Variants in NXPE2 observed in about 807,000 individuals in gnomAD.
NXPE2 encodes the protein NXPE family member 2.
NXPE2 carries 34 observed loss-of-function variants against 34.4 expected under a neutral mutation model. The observed-to-expected ratio is 0.99, with a 90% confidence interval of 0.75 to 1.31. The LOEUF (loss-of-function observed/expected upper bound fraction) is 1.31, where lower values mean the gene tolerates loss of function less well. Among genes scored for constraint, NXPE2 ranks in the 40% most tolerant of loss-of-function variants. The pLI, the probability that NXPE2 is intolerant of heterozygous loss-of-function variation, is 0.00. For synonymous variants in NXPE2, 235 were observed against 231.3 expected (o/e 1.02, Z -0.15); for missense variants, 649 against 672.5 (o/e 0.97, Z 0.39).
chr11:114,601,966 T>A, the NXPE2 span, among the ~76,000 whole-genome samples: 1 of 85,002 alleles, frequency 1.2e-5, no homozygotes, highest in African/African-American at 4.7e-5. Context: ...TATTATATAT[T>A]ATATATTCTG....
chr11:114,550,952 G>C, the NXPE2 span: 2 of 544,828 alleles, frequency 3.7e-6, no homozygotes, highest in South Asian at 5.3e-5. Flanking sequence ...TGTCCACAAT[G>C]CCTCTAAGGA....
the NXPE2 span, among the ~76,000 whole-genome samples, chr11:114,723,620 A>G: frequency 6.6e-6 from 1 of 151,900 alleles, no homozygotes; most frequent in Non-Finnish European, 1.5e-5. Context: ...AAGGAGATAT[A>G]TTTACCTTGG....
the NXPE2 span, among the ~76,000 whole-genome samples, chr11:114,534,619 C>T: frequency 6.6e-5 from 10 of 152,226 alleles, no homozygotes; most frequent in South Asian, 2.1e-4. Flanking sequence ...AACCACAGCA[C>T]GAGAGCTACG....
the NXPE2 span, among the ~76,000 whole-genome samples, chr11:114,737,462 TA>T: frequency 3.3e-5 from 5 of 152,120 alleles, no homozygotes; most frequent in African/African-American, 4.8e-5. Flanking sequence ...AAAATGAATT[TA>T]AAATATTTAT....
chr11:114,725,110 A>G, the NXPE2 span, among the ~76,000 whole-genome samples: 2 of 151,966 alleles, frequency 1.3e-5, no homozygotes, highest in African/African-American at 2.4e-5. Flanking sequence ...TCCTTATTGC[A>G]TGTCATTAAA....
chr11:114,618,317 G>A, the NXPE2 span, among the ~76,000 whole-genome samples: 1 of 150,218 alleles, frequency 6.7e-6, no homozygotes, highest in Non-Finnish European at 1.5e-5. Context: ...TTGGATAATA[G>A]GTATTGCTTC....
chr11:114,775,891 A>C, the NXPE2 span, among the ~76,000 whole-genome samples: 47 of 144,634 alleles, frequency 3.2e-4, 1 homozygote, highest in South Asian at 6.9e-4. Context: ...AAAAAAAAAA[A>C]CAAAAAAACC....
the NXPE2 span, among the ~76,000 whole-genome samples, chr11:114,797,674 G>A: frequency 6.6e-6 from 1 of 152,328 alleles, no homozygotes; most frequent in East Asian, 1.9e-4. Flanking sequence ...AAATCTATTT[G>A]CTGTGCCAGA....
At chr11:114,667,845 C>A in the NXPE2 span, among the ~76,000 whole-genome samples, 1 of 152,088 alleles carries the variant, frequency 6.6e-6, no homozygotes, top group African/African-American at 2.4e-5. Flanking sequence ...GATCTTGAGG[C>A]AGAACCACCC....
At chr11:114,789,095 T>G in the NXPE2 span, among the ~76,000 whole-genome samples, 1 of 152,302 alleles carries the variant, frequency 6.6e-6, no homozygotes, top group Non-Finnish European at 1.5e-5. Flanking sequence ...AAAAATAAGT[T>G]CAAAAGATCT....
At chr11:114,693,037 CTT>C (rs1323607557) in intron 2 of NXPE2, among the ~76,000 whole-genome samples, 1 of 152,182 alleles carries the variant, frequency 6.6e-6, no homozygotes, top group South Asian at 2.1e-4. Context: ...AAGCTTAACT[CTT>C]TTTCTCTTTA....
At chr11:114,522,055 C>T in the NXPE2 span, 2 of 1,613,884 alleles carry the variant, frequency 1.2e-6, no homozygotes, top group African/African-American at 2.7e-5. Context: ...ATGCAATGGT[C>T]ATGTCCCAGG....
At chr11:114,561,963 G>A in the NXPE2 span, among the ~76,000 whole-genome samples, 4 of 151,772 alleles carry the variant, frequency 2.6e-5, no homozygotes, top group African/African-American at 7.3e-5. Context: ...TTTATTTCAC[G>A]TATCATATTT....
chr11:114,615,855 G>A, the NXPE2 span, among the ~76,000 whole-genome samples: 8 of 151,338 alleles, frequency 5.3e-5, no homozygotes, highest in South Asian at 2.1e-4. Context: ...GAGATGCCTC[G>A]TGTGTAAGCA....
the NXPE2 span, among the ~76,000 whole-genome samples, chr11:114,750,970 T>C: frequency 2.0e-5 from 3 of 152,170 alleles, no homozygotes; most frequent in Admixed American, 1.3e-4. Flanking sequence ...TTTTATGTCC[T>C]ACTCTTGTTG....
chr11:114,795,235 G>T, the NXPE2 span, among the ~76,000 whole-genome samples: 7 of 152,174 alleles, frequency 4.6e-5, no homozygotes, highest in Admixed American at 6.5e-5. Context: ...GGGATGTGAA[G>T]GAAGGCTGGA....
At chr11:114,601,189 A>T in the NXPE2 span, among the ~76,000 whole-genome samples, 4,836 of 151,444 alleles carry the variant, frequency 0.032, 269 homozygotes, top group African/African-American at 0.11. Context: ...TGTACCTGTC[A>T]CTCAAATAGC....
the NXPE2 span, among the ~76,000 whole-genome samples, chr11:114,801,279 G>C: frequency 1.3e-5 from 2 of 152,204 alleles, no homozygotes; most frequent in African/African-American, 4.8e-5. Context: ...TTAGGGGAGA[G>C]AGAAGTCTTC....
chr11:114,784,416 T>C, the NXPE2 span, among the ~76,000 whole-genome samples: 1 of 152,230 alleles, frequency 6.6e-6, no homozygotes, highest in East Asian at 1.9e-4. Context: ...GGAGTCCTGC[T>C]GTTGTCTCAA....
Sources: gnomAD v4.1 joint callset for allele counts (sites outside exome capture counted in the v4.1 genomes callset) on GRCh38, gnomAD v4.1.1 for gene constraint, MANE v1.5 for transcripts, NCBI Gene and HGNC (gene_info 2026-07-23, HGNC 2026-07-21) for gene names.